The following GTF2E2 variants were observed in gnomAD, a reference collection of about 807,000 sequenced individuals.
GTF2E2 encodes transcription initiation factor IIE subunit beta.
Under a neutral mutation model 40.5 loss-of-function variants are expected in GTF2E2, and 21 were observed. The observed-to-expected ratio is 0.52, with a 90% CI of 0.37 to 0.75. The LOEUF is 0.75. Ranked by LOEUF, GTF2E2 falls within the 30% of genes least tolerant of loss-of-function variation. The probability of loss-of-function intolerance (pLI) is 0.00; values close to 1 mark genes in which losing one functional copy is unlikely to be tolerated. For missense variants in GTF2E2, 298 were observed against 338.4 expected (o/e 0.88, Z 0.94); for synonymous variants, 117 against 121.6 (o/e 0.96, Z 0.25).
intron 6 of GTF2E2, among the ~76,000 whole-genome samples, chr8:30,583,036 G>A (rs1828556527): frequency 6.6e-6 from 1 of 151,978 alleles, no homozygotes; most frequent in Non-Finnish European, 1.5e-5. Flanking sequence ...GTACTAATTA[G>A]AATTCTACTA....
At chr8:30,636,513 C>T (rs1028287070) in intron 2 of GTF2E2, among the ~76,000 whole-genome samples, 8 of 152,236 alleles carry the variant, frequency 5.3e-5, no homozygotes. Context: ...TAAAATGAAA[C>T]TTCATATGCA....
chr8:30,594,550 T>A, intron 6 of GTF2E2, among the ~76,000 whole-genome samples: 2 of 144,914 alleles, frequency 1.4e-5, no homozygotes, highest in African/African-American at 2.6e-5. Context: ...CAGGAATGGA[T>A]CTTTAAAAAA....
intron 6 of GTF2E2, among the ~76,000 whole-genome samples, chr8:30,602,709 G>A (rs1223554985): frequency 7.1e-6 from 1 of 140,924 alleles, no homozygotes; most frequent in Admixed American, 7.6e-5. Flanking sequence ...AGCCAAGACT[G>A]CACCATTGCA....
Position 30,616,988 on chromosome 8 carries a change from A to G in GTF2E2, c.259-2273T>C, listed in dbSNP as rs192998834. ...ACTAATAAAAGAGGTTACCTGTAGA[A>G]AGCACAAGAGGGGAGAAAATGAGTA... On this transcript the variant is annotated intron_variant, in intron 3 of 7. Transcript: ENST00000355904. Among the ~76,000 whole-genome samples the G allele has an allele frequency of 5.3e-4, 80 of 152,264 alleles. No individual in the cohort carries two copies. In the South Asian group the frequency reaches 5.6e-3, roughly 11 times the overall value.
At position 30,578,662 on chromosome 8, in the gene GTF2E2, A is replaced by G. The variant is rs962007337; in HGVS notation, c.*259T>C. ...ACCATTTAGAAGTGGAGAAAAACAC[A>G]GCAAAGACACCTGCATGCCACGCTC... On this transcript the variant is annotated 3_prime_UTR_variant, in exon 8 of 8. Coordinates refer to ENST00000355904, the MANE Select transcript of GTF2E2 (RefSeq NM_002095.6). 9.4e-6 allele frequency: 3 copies of G among 318,084 alleles called. No individual in the cohort carries two copies. The highest frequency in any genetic ancestry group is 5.5e-5 in the South Asian group (1 of 18,318). 19.7% of individuals were successfully genotyped at this position (318,084 alleles called of 1,614,324 possible).
At chr8:30,627,496 A>C (rs1241056625) in intron 3 of GTF2E2, among the ~76,000 whole-genome samples, 1 of 148,112 alleles carries the variant, frequency 6.8e-6, no homozygotes, top group African/African-American at 2.5e-5. Context: ...TTTTTCAGAG[A>C]GGTACTAGCA....
chr8:30,579,331 G>A (rs1317310979), intron 7 of GTF2E2, among the ~76,000 whole-genome samples: 1 of 152,160 alleles, frequency 6.6e-6, no homozygotes, highest in African/African-American at 2.4e-5. Flanking sequence ...CTTCAGCTCT[G>A]TCTCTGTCAT....
chr8:30,624,729 T>A (rs1295078092), intron 3 of GTF2E2, among the ~76,000 whole-genome samples: 2 of 152,098 alleles, frequency 1.3e-5, no homozygotes, highest in East Asian at 3.8e-4. Context: ...GTCCTTCACA[T>A]CCCTTGTAAG....
intron 2 of GTF2E2, chr8:30,637,250 G>A (rs958177930): frequency 8.8e-6 from 4 of 455,918 alleles, no homozygotes; most frequent in Admixed American, 2.4e-5. Context: ...CTTACCCCAC[G>A]CAACTGTATA....
chr8:30,581,254 G>C (rs1007585621), intron 6 of GTF2E2, among the ~76,000 whole-genome samples: 1 of 152,236 alleles, frequency 6.6e-6, no homozygotes, highest in Admixed American at 6.5e-5. Context: ...CCCACGCACT[G>C]AGGGGATGCA....
intron 3 of GTF2E2, among the ~76,000 whole-genome samples, chr8:30,630,241 T>C (rs1003847036): frequency 4.6e-5 from 7 of 152,194 alleles, no homozygotes; most frequent in African/African-American, 1.7e-4. Context: ...CAGGAGCTGG[T>C]GAGATGAGGT....
intron 2 of GTF2E2, among the ~76,000 whole-genome samples, chr8:30,647,577 G>A (rs538821859): frequency 3.9e-5 from 6 of 152,286 alleles, no homozygotes; most frequent in East Asian, 1.9e-4. Context: ...GTGAAACTCC[G>A]TCTCAAACAA....
Position 30,578,938 on chromosome 8 carries a change from T to C in GTF2E2, c.859A>G (p.Ile287Val), listed in dbSNP as rs932072354. 18 of 1,561,542 alleles carry C rather than the reference T, an allele frequency of 1.2e-5. No homozygotes were observed. The highest frequency in any genetic ancestry group is 1.7e-4 in the Middle Eastern group (1 of 5,946). ...ACTGTTCCCTATTTGCTGGAAGTAATGTCAGAGTAATCCTTCAGCACTCCA... is the reference window on the plus strand; with the variant it reads ...ACTGTTCCCTATTTGCTGGAAGTAACGTCAGAGTAATCCTTCAGCACTCCA... Reference protein sequence around the residue: ...LAGVLKDYSDITSSK With the variant: ...LAGVLKDYSDVTSSK The change falls in exon 8 of 8, where the codon ATT becomes GTT. Residue 287 changes from isoleucine to valine, a missense_variant. Coordinates refer to ENST00000355904, the MANE Select transcript of GTF2E2 (RefSeq NM_002095.6).
intron 2 of GTF2E2, among the ~76,000 whole-genome samples, chr8:30,650,887 G>C (rs181538778): frequency 2.3e-4 from 35 of 152,168 alleles, no homozygotes; most frequent in African/African-American, 8.4e-4. Flanking sequence ...GGCGATGGGT[G>C]CCTGTAGTCC....
At chr8:30,624,354 C>G (rs1801205444) in intron 3 of GTF2E2, among the ~76,000 whole-genome samples, 2 of 152,052 alleles carry the variant, frequency 1.3e-5, no homozygotes, top group African/African-American at 4.8e-5. Flanking sequence ...GGGCTCTGTT[C>G]TGTTCCATTG....
At chr8:30,603,315 A>G (rs1012540765) in intron 6 of GTF2E2, among the ~76,000 whole-genome samples, 2 of 152,238 alleles carry the variant, frequency 1.3e-5, no homozygotes, top group Non-Finnish European at 2.9e-5. Flanking sequence ...GGGAGATTAC[A>G]ACATATAATA....
chr8:30,621,454 A>T (rs1801098363), intron 3 of GTF2E2, among the ~76,000 whole-genome samples: 1 of 152,122 alleles, frequency 6.6e-6, no homozygotes, highest in Non-Finnish European at 1.5e-5. Context: ...AGAGAAACTG[A>T]AAATCCCTTC....
intron 3 of GTF2E2, among the ~76,000 whole-genome samples, chr8:30,618,284 C>CG (rs1800983837): frequency 1.3e-4 from 1 of 7,576 alleles, no homozygotes; most frequent in Non-Finnish European, 2.3e-4. Flanking sequence ...CACTCTGTCT[C>CG]GGGGGGCGGG....
At chr8:30,634,065 T>A (rs1801513931) in intron 3 of GTF2E2, among the ~76,000 whole-genome samples, 1 of 152,208 alleles carries the variant, frequency 6.6e-6, no homozygotes, top group South Asian at 2.1e-4. Flanking sequence ...TAATCGTGAA[T>A]AAGAGTTTGG....
Sources: gnomAD v4.1 joint callset for allele counts (sites outside exome capture counted in the v4.1 genomes callset) on GRCh38, gnomAD v4.1.1 for gene constraint, MANE v1.5 for transcripts, NCBI Gene and HGNC (gene_info 2026-07-23, HGNC 2026-07-21) for gene names.